Variants in DPP6 observed in about 807,000 individuals in gnomAD.
DPP6 encodes A-type potassium channel modulatory protein DPP6.
A neutral mutation model predicts 122.6 loss-of-function variants in DPP6; 69 were observed. The observed-to-expected ratio is 0.56, with a 90% CI of 0.46 to 0.69. The LOEUF (loss-of-function observed/expected upper bound fraction) is 0.69, where lower values mean the gene tolerates loss of function less well. DPP6 is among the 30% of genes least tolerant of loss of function. DPP6 has a pLI of 0.00. For missense variants in DPP6, 928 were observed against 1,116.9 expected, an observed-to-expected ratio of 0.83 and a Z score of 2.41; for synonymous variants, 418 against 433.1, an observed-to-expected ratio of 0.97 and a Z score of 0.43.
intron 8 of DPP6, among the ~76,000 whole-genome samples, chr7:154,742,053 T>A (rs933885233): frequency 6.6e-6 from 1 of 152,184 alleles, no homozygotes; most frequent in Admixed American, 6.5e-5. Context: ...TGAGTCACTA[T>A]GGATTGCAGT....
At chr7:154,375,844 C>T (rs775052393) in intron 1 of DPP6, among the ~76,000 whole-genome samples, 9 of 152,178 alleles carry the variant, frequency 5.9e-5, no homozygotes, top group Non-Finnish European at 1.2e-4. Flanking sequence ...TTCTCTATGA[C>T]GCCCGCCAAC....
chr7:154,542,992 T>G (rs1828855389), intron 4 of DPP6, among the ~76,000 whole-genome samples: 1 of 152,216 alleles, frequency 6.6e-6, no homozygotes. Flanking sequence ...CTGTGTGTTT[T>G]CATGAGCAAG....
chr7:154,722,056 G>T (rs560623942), intron 7 of DPP6, among the ~76,000 whole-genome samples: 2 of 151,820 alleles, frequency 1.3e-5, no homozygotes, highest in Non-Finnish European at 2.9e-5. Flanking sequence ...ATGCCTGGCC[G>T]TGGTGGTGTG....
chr7:154,523,674 T>C (rs532077197), intron 3 of DPP6, among the ~76,000 whole-genome samples: 5 of 152,358 alleles, frequency 3.3e-5, no homozygotes, highest in African/African-American at 1.2e-4. Flanking sequence ...TTTTCTGTGA[T>C]ATATGCTATT....
chr7:154,507,762 C>G (rs550509493), intron 3 of DPP6, among the ~76,000 whole-genome samples: 1 of 152,126 alleles, frequency 6.6e-6, no homozygotes, highest in Non-Finnish European at 1.5e-5. Flanking sequence ...ATGTATCGAT[C>G]AAGTAATAAT....
intron 1 of DPP6, among the ~76,000 whole-genome samples, chr7:154,388,045 T>TG (rs1447751001): frequency 6.6e-6 from 1 of 152,192 alleles, no homozygotes; most frequent in African/African-American, 2.4e-5. Flanking sequence ...GCTCAGCCTG[T>TG]AATCCCATCA....
chr7:154,275,066 G>A lies in DPP6; in HGVS notation c.244-171148G>A, dbSNP rs74348253. Among the ~76,000 whole-genome samples, 429 of 152,382 alleles carry A rather than the reference G, an allele frequency of 2.8e-3. 16 individuals carry two copies. The East Asian group carries it at 0.061, about 22-fold the overall frequency. ...CACTGTCATGCTCAGGGCAGCACCTGTGTCCTTTCATTGGCACTTCCGGCA... is the reference window on the plus strand; with the variant it reads ...CACTGTCATGCTCAGGGCAGCACCTATGTCCTTTCATTGGCACTTCCGGCA... On this transcript the variant is annotated intron_variant, in intron 1 of 25. Transcript: ENST00000377770.
intron 1 of DPP6, among the ~76,000 whole-genome samples, chr7:153,966,323 G>T (rs1795717146): frequency 1.3e-5 from 2 of 151,114 alleles, no homozygotes; most frequent in South Asian, 2.1e-4. Context: ...GTGTAAATGG[G>T]CCTGGTGTTT....
intron 1 of DPP6, among the ~76,000 whole-genome samples, chr7:153,946,154 C>T (rs1801938127): frequency 6.6e-6 from 1 of 152,096 alleles, no homozygotes; most frequent in Non-Finnish European, 1.5e-5. Flanking sequence ...GGACCTCACG[C>T]AAGAAGGAAT....
chr7:153,775,070 T>A, the DPP6 span, among the ~76,000 whole-genome samples: 3 of 149,358 alleles, frequency 2.0e-5, no homozygotes. Context: ...ATCACTAATG[T>A]AATACCAGAA....
chr7:154,791,917 C>T (rs1797707296), intron 10 of DPP6, among the ~76,000 whole-genome samples: 1 of 152,240 alleles, frequency 6.6e-6, no homozygotes, highest in Non-Finnish European at 1.5e-5. Flanking sequence ...TCATTTATAA[C>T]ATTTCACTTC....
chr7:154,451,120 T>G (rs571185816), intron 2 of DPP6, among the ~76,000 whole-genome samples: 4 of 151,934 alleles, frequency 2.6e-5, no homozygotes, highest in Non-Finnish European at 4.4e-5. Context: ...CCCAGCACTT[T>G]AGGAGGGCGA....
chr7:154,312,122 C>G (rs1418985991), intron 1 of DPP6, among the ~76,000 whole-genome samples: 1 of 152,212 alleles, frequency 6.6e-6, no homozygotes, highest in East Asian at 1.9e-4. Flanking sequence ...ACAGGCTGTG[C>G]ACATCCTGGA....
intron 11 of DPP6, 137 bp downstream of exon 11, chr7:154,794,339 C>G: frequency 7.4e-7 from 1 of 1,359,422 alleles, no homozygotes; most frequent in Non-Finnish European, 9.6e-7. Context: ...GGGGAGCCCG[C>G]GGCGCAGAGT....
chr7:154,072,269 G>T (rs1803172927), intron 1 of DPP6, among the ~76,000 whole-genome samples: 3 of 152,182 alleles, frequency 2.0e-5, no homozygotes, highest in African/African-American at 7.2e-5. Context: ...CATGAGAAAG[G>T]CTCTTCTTTG....
the DPP6 span, among the ~76,000 whole-genome samples, chr7:153,837,723 T>C: frequency 2.8e-4 from 42 of 152,206 alleles, no homozygotes; most frequent in African/African-American, 1.0e-3. Flanking sequence ...GGATTCACTC[T>C]GCTGCCCAGG....
chr7:154,022,965 G>A (rs1420277996), intron 1 of DPP6, among the ~76,000 whole-genome samples: 4 of 152,064 alleles, frequency 2.6e-5, no homozygotes, highest in South Asian at 4.2e-4. Flanking sequence ...TAATCCAAGG[G>A]TCAGTACAAA....
At chr7:154,102,904 A>G (rs1174896452) in intron 1 of DPP6, among the ~76,000 whole-genome samples, 2 of 152,142 alleles carry the variant, frequency 1.3e-5, no homozygotes, top group East Asian at 3.9e-4. Flanking sequence ...AATCAGTGTC[A>G]TGTTCCACTC....
chr7:154,586,368 G>A (rs553300974), intron 5 of DPP6, among the ~76,000 whole-genome samples: 12 of 152,238 alleles, frequency 7.9e-5, no homozygotes, highest in South Asian at 4.2e-4. Context: ...AGCTCCCATC[G>A]CCTGCCCTTA....
Sources: allele counts gnomAD v4.1 joint callset (sites outside exome capture counted in the v4.1 genomes callset), GRCh38; gene constraint gnomAD v4.1.1; transcripts MANE v1.5; gene names NCBI Gene and HGNC (gene_info 2026-07-23, HGNC 2026-07-21).